The following CLDN16 variants were observed in gnomAD, a reference collection of about 807,000 sequenced individuals.
CLDN16 encodes the protein claudin 16.
In CLDN16, 13 loss-of-function variants were observed where a neutral mutation model predicts 24.6. That is an observed-to-expected ratio of 0.53 (90% CI 0.34 to 0.84). The LOEUF (loss-of-function observed/expected upper bound fraction) is 0.84. Ranked by LOEUF, CLDN16 falls within the 40% of genes least tolerant of loss-of-function variation. CLDN16 has a pLI of 0.01. For synonymous variants in CLDN16, 116 were observed against 106.7 expected (o/e 1.09, Z -0.54); for missense variants, 298 against 292.7 (o/e 1.02, Z -0.13).
chr3:190,360,491 A>AAC (rs1717864385), intron 1 of CLDN16, among the ~76,000 whole-genome samples: 1 of 151,986 alleles, frequency 6.6e-6, no homozygotes, highest in Non-Finnish European at 1.5e-5. Flanking sequence ...AAGAAACTCA[A>AAC]CTGGTGTAAT....
intron 1 of CLDN16, among the ~76,000 whole-genome samples, chr3:190,338,924 G>A (rs1717370041): frequency 6.6e-6 from 1 of 152,126 alleles, no homozygotes; most frequent in African/African-American, 2.4e-5. Context: ...GCTGATAACT[G>A]CTCAAGTTAG....
At chr3:190,293,152 G>A in the CLDN16 span, among the ~76,000 whole-genome samples, 1 of 152,196 alleles carries the variant, frequency 6.6e-6, no homozygotes, top group Non-Finnish European at 1.5e-5. Flanking sequence ...TGGTGGAAGG[G>A]GAAACAGGCA....
chr3:190,294,551 A>C, the CLDN16 span, among the ~76,000 whole-genome samples: 2 of 152,166 alleles, frequency 1.3e-5, no homozygotes, highest in African/African-American at 4.8e-5. Context: ...TAATAATAAA[A>C]ACAAGTTTCA....
the CLDN16 span, among the ~76,000 whole-genome samples, chr3:190,293,428 G>T: frequency 6.6e-6 from 1 of 152,310 alleles, no homozygotes; most frequent in South Asian, 2.1e-4. Flanking sequence ...CCAAGGTGTA[G>T]AATTTGAGTT....
chr3:190,357,858 G>C (rs913994608), intron 1 of CLDN16, among the ~76,000 whole-genome samples: 3 of 151,948 alleles, frequency 2.0e-5, no homozygotes, highest in Non-Finnish European at 2.9e-5. Context: ...AAGCACTTCA[G>C]ACTAGTCTCA....
intron 1 of CLDN16, among the ~76,000 whole-genome samples, chr3:190,366,132 T>A (rs1162702350): frequency 6.6e-6 from 1 of 151,976 alleles, no homozygotes; most frequent in Non-Finnish European, 1.5e-5. Context: ...TTATTGTCCC[T>A]GCAGCTGTGG....
the CLDN16 span, among the ~76,000 whole-genome samples, chr3:190,314,837 C>T: frequency 3.3e-5 from 5 of 152,126 alleles, no homozygotes; most frequent in African/African-American, 1.2e-4. Context: ...ACACACTGAC[C>T]TCCTCATAAG....
At chr3:190,321,943 G>A, upstream of CLDN16, 1 of 1,521,494 alleles carries the variant, frequency 6.6e-7, no homozygotes, top group East Asian at 2.3e-5. Context: ...CAGGGGGACT[G>A]GGGCCTCTGG....
intron 1 of CLDN16, among the ~76,000 whole-genome samples, chr3:190,368,461 A>G (rs1402872431): frequency 6.6e-6 from 1 of 151,984 alleles, no homozygotes; most frequent in African/African-American, 2.4e-5. Context: ...GAAATGATCC[A>G]TAGAAATGTT....
At chr3:190,348,335 A>ATGTGTGTG (rs57246894) in intron 1 of CLDN16, among the ~76,000 whole-genome samples, 4,995 of 138,348 alleles carry the variant, frequency 0.036, 149 homozygotes, top group East Asian at 0.12. Context: ...CAAGACTGCA[A>ATGTGTGTG]TGTGTGTGTG....
At chr3:190,353,263 C>G (rs184539527) in intron 1 of CLDN16, among the ~76,000 whole-genome samples, 15 of 152,140 alleles carry the variant, frequency 9.9e-5, no homozygotes, top group Non-Finnish European at 1.9e-4. Context: ...TTTCACAACC[C>G]CTTAACTGAT....
intron 1 of CLDN16, among the ~76,000 whole-genome samples, chr3:190,323,088 TA>T (rs2108617681): frequency 6.6e-6 from 1 of 151,974 alleles, no homozygotes; most frequent in East Asian, 1.9e-4. Flanking sequence ...TGCTTTCCAC[TA>T]CATATCAAGT....
At chr3:190,322,476 C>T, upstream of CLDN16, 1 of 500,242 alleles carries the variant, frequency 2.0e-6, no homozygotes, top group South Asian at 2.2e-5. Flanking sequence ...CGATTTAAAG[C>T]AGCTCCGCCC....
At chr3:190,322,442 G>GACC (rs1716955770), upstream of CLDN16, 2 of 576,722 alleles carry the variant, frequency 3.5e-6, no homozygotes, top group Admixed American at 3.0e-5. Context: ...CTCGGGAACT[G>GACC]AGACGCAGAA....
At chr3:190,406,032 C>T (rs1390080228) in intron 3 of CLDN16, among the ~76,000 whole-genome samples, 2 of 152,186 alleles carry the variant, frequency 1.3e-5, no homozygotes, top group South Asian at 4.1e-4. Context: ...GAACTAGAAA[C>T]ACTTGTAGAT....
At chr3:190,334,579 T>C (rs1430292632) in intron 1 of CLDN16, among the ~76,000 whole-genome samples, 2 of 152,258 alleles carry the variant, frequency 1.3e-5, no homozygotes, top group Admixed American at 1.3e-4. Context: ...CTTGCATTCA[T>C]AGTCTCTCTT....
chr3:190,330,031 C>T (rs1717149132), intron 1 of CLDN16, among the ~76,000 whole-genome samples: 1 of 151,300 alleles, frequency 6.6e-6, no homozygotes, highest in Admixed American at 6.6e-5. Flanking sequence ...AGAAATATCT[C>T]AACCGTCCCC....
upstream of CLDN16, among the ~76,000 whole-genome samples, chr3:190,384,855 T>C (rs1156588970): frequency 2.0e-5 from 3 of 152,180 alleles, no homozygotes; most frequent in Non-Finnish European, 4.4e-5. Flanking sequence ...GATGAGATAA[T>C]ATATCTGAAA....
At chr3:190,387,952 T>A (rs1243141472), upstream of CLDN16, 2 of 667,854 alleles carry the variant, frequency 3.0e-6, no homozygotes, top group Non-Finnish European at 5.3e-6. Flanking sequence ...CAGCATGGGG[T>A]GGGACCCTTC....
Sources: allele counts gnomAD v4.1 joint callset (sites outside exome capture counted in the v4.1 genomes callset), GRCh38; gene constraint gnomAD v4.1.1; transcripts MANE v1.5; gene names NCBI Gene and HGNC (gene_info 2026-07-23, HGNC 2026-07-21).